GAK: variants seen among roughly 807,000 people sequenced by gnomAD.
GAK encodes the protein cyclin-G-associated kinase.
In GAK, 79 loss-of-function variants were observed where a neutral mutation model predicts 143.9. The observed-to-expected ratio is 0.55, with a 90% confidence interval of 0.46 to 0.66. GAK has a LOEUF of 0.66. Ranked by LOEUF, GAK falls within the 30% of genes least tolerant of loss-of-function variation. The pLI, the probability that GAK is intolerant of heterozygous loss-of-function variation, is 0.00. For missense variants in GAK, 1,693 were observed against 1,779.7 expected, an observed-to-expected ratio of 0.95 and a Z score of 0.88; for synonymous variants, 881 against 765.5, an observed-to-expected ratio of 1.15 and a Z score of -2.49.
At chr4:858,471 G>A (rs1395361797) in intron 24 of GAK, among the ~76,000 whole-genome samples, 2 of 152,144 alleles carry the variant, frequency 1.3e-5, no homozygotes, top group African/African-American at 2.4e-5. Context: ...CAAGGCACAC[G>A]CAGGTCTCCT....
intron 11 of GAK, among the ~76,000 whole-genome samples, chr4:884,610 T>A (rs1715887034): frequency 6.6e-6 from 1 of 152,198 alleles, no homozygotes; most frequent in South Asian, 2.1e-4. Flanking sequence ...GCCAACTCTC[T>A]ACAGACCAAC....
At chr4:890,768 A>T (rs1717485237) in intron 9 of GAK, 146 bp from the exon 10 acceptor site, 1 of 628,294 alleles carries the variant, frequency 1.6e-6, no homozygotes, top group African/African-American at 1.9e-5. Flanking sequence ...AACTTCCCAC[A>T]GGCTGAAGCA....
chr4:893,858 T>C lies in GAK; in HGVS notation c.877+16A>G. On this transcript the variant is annotated intron_variant, in intron 8 of 27. Coordinates refer to ENST00000314167, the MANE Select transcript of GAK (RefSeq NM_005255.4). ...TCCAGGGTCCTGCCCCACGCACGCA[T>C]TCCACCGGGACTTACGGATGAGGCT... 6.4e-7 allele frequency: 1 copy of C among 1,565,956 alleles called. No individual in the cohort carries two copies. Among genetic ancestry groups the C allele is most frequent in the East Asian group, 2.3e-5 (1 of 43,742 alleles).
chr4:897,209 G>A (rs1001469108), intron 6 of GAK, among the ~76,000 whole-genome samples: 3 of 152,238 alleles, frequency 2.0e-5, no homozygotes, highest in African/African-American at 7.2e-5. Context: ...CAGATTCACA[G>A]GAGAGCAGGG....
intron 3 of GAK, chr4:912,336 A>G: frequency 2.7e-6 from 1 of 369,050 alleles, no homozygotes; most frequent in Non-Finnish European, 5.4e-6. Context: ...AGAAGGGACG[A>G]GAGGGGCGGC....
chr4:873,496 TAA>T (rs35149051), intron 18 of GAK, among the ~76,000 whole-genome samples: 190 of 148,258 alleles, frequency 1.3e-3, no homozygotes, highest in African/African-American at 4.4e-3. Flanking sequence ...TTAAACCTTG[TAA>T]AAAAAAAAAA....
At chr4:874,079 G>A (rs1173652461) in intron 18 of GAK, among the ~76,000 whole-genome samples, 1 of 152,108 alleles carries the variant, frequency 6.6e-6, no homozygotes, top group Non-Finnish European at 1.5e-5. Context: ...TCCTGGTGAT[G>A]GAGCTCCTGA....
At chr4:888,655 A>G in intron 11 of GAK, 192 bp downstream of exon 11, 1 of 645,432 alleles carries the variant, frequency 1.5e-6, no homozygotes, top group Non-Finnish European at 2.6e-6. Flanking sequence ...AAGGAAAGGG[A>G]TCTGCCTGGC....
chr4:926,137 C>T (rs1205007845), intron 1 of GAK, among the ~76,000 whole-genome samples: 2 of 151,720 alleles, frequency 1.3e-5, no homozygotes, highest in African/African-American at 4.8e-5. Flanking sequence ...CCTCCCCGAA[C>T]GTCTAATTCA....
chr4:913,269 A>G (rs551065030), intron 2 of GAK, among the ~76,000 whole-genome samples: 63 of 152,320 alleles, frequency 4.1e-4, no homozygotes, highest in Non-Finnish European at 7.6e-4. Flanking sequence ...CTAGCAACAA[A>G]TATTTTTTAC....
chr4:867,161 C>G lies in GAK; in HGVS notation c.2667G>C (p.Glu889Asp). Residue 889 changes from glutamate to aspartate, a missense_variant, in exon 21 of 28, where the codon GAG becomes GAC. Physicochemically the swap from Glu to Asp is conservative, Grantham distance 45. Transcript: ENST00000314167. The part of the protein sequence containing the change: ...DGVDLLGLHS[E>D]VGAGPAVPPQ... The stretch of plus-strand genomic sequence containing the variant: ...GGGGTACAGCTGGCCCTGCGCCCAC[C>G]TCGGAGTGCAGGCCCAGGAGGTCGA... 6.2e-6 allele frequency: 10 copies of G among 1,602,650 alleles called. No individual in the cohort carries two copies. Among genetic ancestry groups the G allele is most frequent in the Non-Finnish European group, 8.5e-6 (10 of 1,173,016 alleles).
chr4:851,174 T>C, intron 25 of GAK, 90 bp from the exon 26 acceptor site: 1 of 1,164,294 alleles, frequency 8.6e-7, no homozygotes, highest in Non-Finnish European at 1.2e-6. Context: ...CTCAGCTCTC[T>C]GCAGCCTTTG....
At chr4:905,364 C>T (rs913782678) in intron 4 of GAK, among the ~76,000 whole-genome samples, 23 of 152,208 alleles carry the variant, frequency 1.5e-4, no homozygotes, top group Admixed American at 1.2e-3. Flanking sequence ...CGACTCTCTA[C>T]GGTTAACATC....
chr4:874,346 C>T (rs1019847798), intron 18 of GAK, among the ~76,000 whole-genome samples: 1 of 152,228 alleles, frequency 6.6e-6, no homozygotes, highest in African/African-American at 2.4e-5. Flanking sequence ...CCCTTCCTTC[C>T]CTAGGCTGCA....
intron 18 of GAK, among the ~76,000 whole-genome samples, chr4:872,976 C>T (rs1230091867): frequency 1.3e-5 from 2 of 151,578 alleles, no homozygotes; most frequent in Non-Finnish European, 2.9e-5. Flanking sequence ...CGCCCAGGCA[C>T]GGCGCAGGCT....
rs1413065758 is a variant in GAK, at chr4:867,220, C to G, written c.2608G>C (p.Val870Leu). Residue 870 changes from valine to leucine, a missense_variant, in exon 21 of 28, where the codon GTG (valine) becomes CTG (leucine). By Grantham distance (32) the Val-to-Leu change is conservative. Coordinates refer to ENST00000314167, the MANE Select transcript of GAK (RefSeq NM_005255.4). ...DLVFEVETPA[V>L]LPEPVPQEDG... is the part of the protein sequence containing the mutation. ...TCCTGTGGCACAGGCTCTGGCAGCACAGCCGGTGTCTCCACCTCAAAAACC... is the reference window on the plus strand; with the variant it reads ...TCCTGTGGCACAGGCTCTGGCAGCAGAGCCGGTGTCTCCACCTCAAAAACC... 2 of 1,612,688 alleles carry G rather than the reference C, an allele frequency of 1.2e-6. No individual in the cohort carries two copies. Among genetic ancestry groups the G allele is most frequent in the East Asian group, 4.5e-5 (2 of 44,850 alleles).
intron 11 of GAK, chr4:884,301 T>C: frequency 3.6e-6 from 2 of 547,956 alleles, no homozygotes; most frequent in East Asian, 6.5e-5. Context: ...CGGATGGAAA[T>C]GACAGCCTGC....
intron 3 of GAK, chr4:912,533 C>A (rs1722225571): frequency 3.8e-6 from 2 of 526,426 alleles, no homozygotes; most frequent in Admixed American, 6.4e-5. Context: ...CTACTATTAC[C>A]CTGGCAGTAA....
intron 22 of GAK, among the ~76,000 whole-genome samples, 166 bp from the exon 23 acceptor site, chr4:865,410 G>C (rs1418781904): frequency 6.6e-6 from 1 of 152,220 alleles, no homozygotes; most frequent in East Asian, 1.9e-4. Flanking sequence ...TCCTGAGGAT[G>C]CATCCCATCA....
Sources: allele counts gnomAD v4.1 joint callset (sites outside exome capture counted in the v4.1 genomes callset), GRCh38; gene constraint gnomAD v4.1.1; transcripts MANE v1.5; gene names NCBI Gene and HGNC (gene_info 2026-07-23, HGNC 2026-07-21).